The following RASGEF1C variants were observed in gnomAD, a reference collection of about 807,000 sequenced individuals.
RASGEF1C encodes RasGEF domain family member 1C.
Under a neutral mutation model 58.1 loss-of-function variants are expected in RASGEF1C, and 27 were observed. That is an observed-to-expected ratio of 0.46 (90% CI 0.34 to 0.64). RASGEF1C has a LOEUF of 0.64. Among genes scored for constraint, RASGEF1C ranks in the 30% least tolerant of loss-of-function variants. The pLI, the probability that RASGEF1C is intolerant of heterozygous loss-of-function variation, is 0.01. For synonymous variants in RASGEF1C, 243 were observed against 246.3 expected (o/e 0.99, Z 0.13); for missense variants, 502 against 605.1 (o/e 0.83, Z 1.79).
At chr5:180,201,142 C>T (rs1756387923) in intron 1 of RASGEF1C, among the ~76,000 whole-genome samples, 1 of 152,108 alleles carries the variant, frequency 6.6e-6, no homozygotes, top group Non-Finnish European at 1.5e-5. Flanking sequence ...CATGGGGAAA[C>T]AGAGCACGCC....
intron 1 of RASGEF1C, among the ~76,000 whole-genome samples, chr5:180,145,104 G>A (rs888219788): frequency 6.6e-6 from 1 of 152,040 alleles, no homozygotes; most frequent in Non-Finnish European, 1.5e-5. Context: ...CACAGCAGCT[G>A]CACCATTTTA....
Position 180,101,239 on chromosome 5 carries a change from G to C in RASGEF1C, c.*262C>G. 1.9e-6 allele frequency: 1 copy of C among 535,096 alleles called. No homozygotes were observed. The allele number at this position is 535,096 out of a possible 1,614,324, so 33.1% of individuals were successfully genotyped here. On this transcript the variant is annotated 3_prime_UTR_variant, in exon 14 of 14. Coordinates refer to ENST00000361132, the MANE Select transcript of RASGEF1C (RefSeq NM_175062.4). ...GATGGACAGACTGACCAGGCCCCACGGTCCTGAAGGCAGGATGTCCCCAAG... is the reference window on the plus strand; with the variant it reads ...GATGGACAGACTGACCAGGCCCCACCGTCCTGAAGGCAGGATGTCCCCAAG...
intron 1 of RASGEF1C, among the ~76,000 whole-genome samples, chr5:180,154,786 T>C (rs1218582728): frequency 6.6e-6 from 1 of 152,066 alleles, no homozygotes; most frequent in East Asian, 1.9e-4. Flanking sequence ...TTTCACTGTG[T>C]TAGCCAGGAT....
At chr5:180,104,795 A>G (rs1475072496) in intron 12 of RASGEF1C, among the ~76,000 whole-genome samples, 1 of 152,168 alleles carries the variant, frequency 6.6e-6, no homozygotes, top group Non-Finnish European at 1.5e-5. Context: ...TTTTATGTCA[A>G]GTTGTGGTAA....
chr5:180,152,511 A>G (rs1766770389), intron 1 of RASGEF1C, among the ~76,000 whole-genome samples: 1 of 144,330 alleles, frequency 6.9e-6, no homozygotes, highest in African/African-American at 2.6e-5. Flanking sequence ...GGAATTGAAC[A>G]ATGAGAACAC....
At chr5:180,136,267 G>T in intron 4 of RASGEF1C, 111 bp downstream of exon 4, 1 of 1,130,150 alleles carries the variant, frequency 8.8e-7, no homozygotes, top group Non-Finnish European at 1.2e-6. Flanking sequence ...ATTTGGACGG[G>T]CCGTGGTGTG....
chr5:180,133,304 G>A (rs980404742), intron 4 of RASGEF1C, among the ~76,000 whole-genome samples: 1 of 152,198 alleles, frequency 6.6e-6, no homozygotes, highest in African/African-American at 2.4e-5. Context: ...TCCAGCTGCC[G>A]AGAGCTGGTG....
intron 1 of RASGEF1C, among the ~76,000 whole-genome samples, chr5:180,176,629 T>C (rs1767229407): frequency 6.6e-6 from 1 of 150,704 alleles, no homozygotes; most frequent in Non-Finnish European, 1.5e-5. Flanking sequence ...CAATCTCGGC[T>C]CACTGCAAGC....
At chr5:180,106,788 G>A (rs955188116) in intron 12 of RASGEF1C, among the ~76,000 whole-genome samples, 4 of 152,160 alleles carry the variant, frequency 2.6e-5, no homozygotes, top group Non-Finnish European at 4.4e-5. Context: ...GATTCCTGTT[G>A]TTTGATGATA....
At chr5:180,204,927 T>C (rs199588122) in intron 1 of RASGEF1C, among the ~76,000 whole-genome samples, 1 of 152,162 alleles carries the variant, frequency 6.6e-6, no homozygotes, top group East Asian at 1.9e-4. Flanking sequence ...TGGTGGCTCA[T>C]GCCTGTAATC....
intron 1 of RASGEF1C, among the ~76,000 whole-genome samples, chr5:180,200,229 G>A (rs1316005436): frequency 1.3e-5 from 2 of 150,976 alleles, no homozygotes; most frequent in Admixed American, 6.6e-5. Flanking sequence ...TTGTGCCACT[G>A]CATTCCAGCC....
At chr5:180,140,152 C>T (rs1006774484) in intron 1 of RASGEF1C, among the ~76,000 whole-genome samples, 4 of 152,192 alleles carry the variant, frequency 2.6e-5, no homozygotes, top group Admixed American at 6.5e-5. Flanking sequence ...CAGCTCTGCT[C>T]TGGAGCGACT....
chr5:180,186,065 C>G (rs183239431), intron 1 of RASGEF1C, among the ~76,000 whole-genome samples: 2 of 143,856 alleles, frequency 1.4e-5, no homozygotes, highest in East Asian at 4.1e-4. Flanking sequence ...CCACTGCATT[C>G]CAGCCTGGGT....
At chr5:180,138,756 A>G (rs1766529638) in intron 1 of RASGEF1C, among the ~76,000 whole-genome samples, 2 of 152,056 alleles carry the variant, frequency 1.3e-5, no homozygotes, top group South Asian at 4.1e-4. Flanking sequence ...CTCACCGCCT[A>G]TCACACCCCA....
chr5:180,175,173 C>A (rs1767202589), intron 1 of RASGEF1C, among the ~76,000 whole-genome samples: 1 of 152,206 alleles, frequency 6.6e-6, no homozygotes, highest in South Asian at 2.1e-4. Flanking sequence ...TAAGAGGTCA[C>A]TTGGCTATGG....
chr5:180,114,493 T>C lies in RASGEF1C; in HGVS notation c.1132A>G (p.Asn378Asp). The C allele has an allele frequency of 3.7e-6, 6 of 1,612,970 alleles. No individual in the cohort carries two copies. Among genetic ancestry groups the C allele is most frequent in the Non-Finnish European group, 4.2e-6 (5 of 1,179,266 alleles). Residue 378 changes from asparagine to aspartate, a missense_variant, in exon 11 of 14, where the codon AAT becomes GAT. Coordinates refer to ENST00000361132, the MANE Select transcript of RASGEF1C (RefSeq NM_175062.4). The stretch of plus-strand genomic sequence containing the variant: ...GGAAGGCGGTTGGCGCAGCCCTCAT[T>C]CAGGAAGTAGATGTCTTTGATGAGC... ...SLLIKDIYFL[N>D]EGCANRLPNG... is the part of the protein sequence containing the mutation.
chr5:180,201,921 G>C (rs76592556), intron 1 of RASGEF1C, among the ~76,000 whole-genome samples: 5,260 of 152,316 alleles, frequency 0.035, 126 homozygotes, highest in African/African-American at 0.068. Flanking sequence ...CTCCAGAACT[G>C]TGAGAAATCG....
chr5:180,169,465 A>G (rs1348900143), intron 1 of RASGEF1C, among the ~76,000 whole-genome samples: 2 of 151,720 alleles, frequency 1.3e-5, no homozygotes, highest in African/African-American at 2.4e-5. Context: ...GCAGGGGCCC[A>G]TGGGTTTTGG....
chr5:180,176,734 T>G (rs1471715275), intron 1 of RASGEF1C, among the ~76,000 whole-genome samples: 2 of 152,036 alleles, frequency 1.3e-5, no homozygotes, highest in Non-Finnish European at 2.9e-5. Context: ...TTTTTTGTAT[T>G]TTTAGTAGAG....
Sources: allele counts gnomAD v4.1 joint callset (sites outside exome capture counted in the v4.1 genomes callset), GRCh38; gene constraint gnomAD v4.1.1; transcripts MANE v1.5; gene names NCBI Gene and HGNC (gene_info 2026-07-23, HGNC 2026-07-21).